The following ARHGAP28 variants were observed in gnomAD, a reference collection of about 807,000 sequenced individuals.
ARHGAP28 encodes rho GTPase-activating protein 28.
Under a neutral mutation model 90.7 loss-of-function variants are expected in ARHGAP28, and 56 were observed. The ratio of observed to expected loss-of-function variants is 0.62; its 90% CI spans 0.50 to 0.77. The LOEUF (loss-of-function observed/expected upper bound fraction) is 0.77. ARHGAP28 is among the 30% of genes least tolerant of loss of function. ARHGAP28 has a pLI of 0.00. For missense variants in ARHGAP28, 869 were observed against 900.9 expected, an observed-to-expected ratio of 0.96 and a Z score of 0.45; for synonymous variants, 308 against 323.3, an observed-to-expected ratio of 0.95 and a Z score of 0.51.
At chr18:6,858,265 C>A (rs1258840110) in intron 4 of ARHGAP28, among the ~76,000 whole-genome samples, 1 of 152,020 alleles carries the variant, frequency 6.6e-6, no homozygotes, top group Non-Finnish European at 1.5e-5. Flanking sequence ...TTGTCTGCGG[C>A]CCTTTCTTAT....
intron 17 of ARHGAP28, among the ~76,000 whole-genome samples, chr18:6,911,599 C>G (rs1600316914): frequency 2.0e-5 from 3 of 152,202 alleles, no homozygotes; most frequent in South Asian, 4.1e-4. Context: ...CCACACCTGG[C>G]TAATTTTTGT....
intron 1 of ARHGAP28, among the ~76,000 whole-genome samples, chr18:6,746,079 A>G (rs551303308): frequency 3.9e-5 from 6 of 152,208 alleles, no homozygotes; most frequent in South Asian, 2.1e-4. Flanking sequence ...GAGCCCTTCT[A>G]TTTTCCCTGT....
intron 1 of ARHGAP28, among the ~76,000 whole-genome samples, chr18:6,807,769 C>T (rs1479631748): frequency 6.6e-6 from 1 of 152,168 alleles, no homozygotes; most frequent in Non-Finnish European, 1.5e-5. Flanking sequence ...TGAGGAGCTC[C>T]AGAGTTCTCT....
chr18:6,910,982 T>C lies in ARHGAP28; in HGVS notation c.2096-1078T>C, dbSNP rs376322489. The stretch of plus-strand genomic sequence containing the variant: ...GCCTCAGCCTCCGGAGTAGCTGGGA[T>C]TACAGGCGCCCATCACCACGCCCGG... On this transcript the variant is annotated intron_variant, in intron 17 of 17. Transcript: ENST00000383472. 4.5e-3 allele frequency among the ~76,000 whole-genome samples: 687 copies of C among 151,966 alleles called. 9 individuals are homozygous for C. Among genetic ancestry groups the C allele is most frequent in the African/African-American group, 0.012 (496 of 41,440 alleles).
chr18:6,906,147 T>TA (rs987829659), intron 16 of ARHGAP28, among the ~76,000 whole-genome samples: 22 of 152,160 alleles, frequency 1.4e-4, no homozygotes, highest in African/African-American at 4.8e-4. Context: ...GCTGATTATA[T>TA]AAAAGGTAGA....
chr18:6,827,887 C>T (rs1384217826), intron 2 of ARHGAP28, among the ~76,000 whole-genome samples: 1 of 151,406 alleles, frequency 6.6e-6, no homozygotes, highest in South Asian at 2.1e-4. Context: ...GGAAGAGGCG[C>T]TCCTCACTTC....
At chr18:6,732,080 C>T (rs1477683864) in intron 1 of ARHGAP28, among the ~76,000 whole-genome samples, 1 of 139,058 alleles carries the variant, frequency 7.2e-6, no homozygotes, top group African/African-American at 2.6e-5. Context: ...CCCCACTACA[C>T]CTGAGTTTAT....
At chr18:6,781,820 G>A (rs565826415) in intron 1 of ARHGAP28, among the ~76,000 whole-genome samples, 2 of 152,130 alleles carry the variant, frequency 1.3e-5, no homozygotes, top group African/African-American at 2.4e-5. Flanking sequence ...AACTTGTTTT[G>A]CCAGTTGATA....
intron 1 of ARHGAP28, among the ~76,000 whole-genome samples, chr18:6,732,501 A>T (rs1019891507): frequency 6.7e-6 from 1 of 150,332 alleles, no homozygotes; most frequent in African/African-American, 2.4e-5. Context: ...CTAACCATTT[A>T]AAAAAAAAAT....
chr18:6,854,761 AG>A (rs2056939142), intron 4 of ARHGAP28, among the ~76,000 whole-genome samples: 1 of 151,146 alleles, frequency 6.6e-6, no homozygotes, highest in Non-Finnish European at 1.5e-5. Flanking sequence ...GCCCACCTGC[AG>A]CTGCCCACCT....
chr18:6,842,194 T>A (rs186396405), intron 3 of ARHGAP28, among the ~76,000 whole-genome samples: 567 of 152,004 alleles, frequency 3.7e-3, no homozygotes, highest in African/African-American at 0.012. Context: ...ACAAAAAAAA[T>A]TTTTTTAAAT....
intron 1 of ARHGAP28, among the ~76,000 whole-genome samples, chr18:6,817,740 G>A (rs2056601128): frequency 6.6e-6 from 1 of 152,124 alleles, no homozygotes; most frequent in Admixed American, 6.5e-5. Context: ...TTCCAAGGAG[G>A]GAGAATGGGA....
At chr18:6,899,912 G>C (rs1032447928) in intron 16 of ARHGAP28, among the ~76,000 whole-genome samples, 1 of 152,094 alleles carries the variant, frequency 6.6e-6, no homozygotes, top group African/African-American at 2.4e-5. Context: ...GAAAGGGTTA[G>C]GATGTGGGAA....
chr18:6,732,777 A>G (rs1423445361), intron 1 of ARHGAP28, among the ~76,000 whole-genome samples: 2 of 152,164 alleles, frequency 1.3e-5, no homozygotes, highest in Non-Finnish European at 2.9e-5. Context: ...ACCAATTACT[A>G]CAATGTGGCC....
intron 1 of ARHGAP28, among the ~76,000 whole-genome samples, chr18:6,766,429 A>G (rs2056200447): frequency 6.6e-6 from 1 of 152,104 alleles, no homozygotes; most frequent in Non-Finnish European, 1.5e-5. Context: ...TCCTTTCCAA[A>G]GAGTGGAATA....
At chr18:6,889,034 T>A (rs989256395) in intron 12 of ARHGAP28, among the ~76,000 whole-genome samples, 2 of 152,212 alleles carry the variant, frequency 1.3e-5, no homozygotes, top group East Asian at 3.8e-4. Context: ...GGAATAATGA[T>A]GAGTGAATAT....
Position 6,859,250 on chromosome 18 carries a change from AC to A in ARHGAP28, c.637-554del, listed in dbSNP as rs979706731. Among the ~76,000 whole-genome samples, 8 of 152,060 alleles carry A rather than the reference AC, an allele frequency of 5.3e-5. 1 individual carries two copies. The highest frequency in any genetic ancestry group is 2.0e-4 in the Admixed American group (3 of 15,262). On this transcript the variant is annotated intron_variant, in intron 4 of 17. Transcript: ENST00000383472. Reference sequence around the variant, plus strand: ...TGGAGTTGTTTTGCTTCACATGGAGACCCCTTCAGATGGGTGGCCCATGTCT... The same window carrying A: ...TGGAGTTGTTTTGCTTCACATGGAGACCCTTCAGATGGGTGGCCCATGTCT...
At chr18:6,826,985 A>T (rs1600220375) in intron 2 of ARHGAP28, among the ~76,000 whole-genome samples, 1 of 152,302 alleles carries the variant, frequency 6.6e-6, no homozygotes, top group South Asian at 2.1e-4. Flanking sequence ...CACATGTTTC[A>T]GAGAGCACAG....
At chr18:6,910,586 CCT>C (rs2057390789) in intron 17 of ARHGAP28, among the ~76,000 whole-genome samples, 1 of 152,044 alleles carries the variant, frequency 6.6e-6, no homozygotes, top group African/African-American at 2.4e-5. Flanking sequence ...GATAAATCAG[CCT>C]CTCAGCGAGA....
Sources: gnomAD v4.1 joint callset for allele counts (sites outside exome capture counted in the v4.1 genomes callset) on GRCh38, gnomAD v4.1.1 for gene constraint, MANE v1.5 for transcripts, NCBI Gene and HGNC (gene_info 2026-07-23, HGNC 2026-07-21) for gene names.